Variants in SHISA9 observed in about 807,000 individuals in gnomAD.
SHISA9 encodes shisa family member 9.
In SHISA9, 13 loss-of-function variants were observed where a neutral mutation model predicts 38.0. The observed-to-expected ratio is 0.34, with a 90% CI of 0.22 to 0.54. SHISA9 has a LOEUF of 0.54. Among genes scored for constraint, SHISA9 ranks in the 20% least tolerant of loss-of-function variants. The pLI, the probability that SHISA9 is intolerant of heterozygous loss-of-function variation, is 0.91. For missense variants in SHISA9, 538 were observed against 575.8 expected (o/e 0.93, Z 0.67); for synonymous variants, 275 against 242.0 (o/e 1.14, Z -1.27).
intron 2 of SHISA9, among the ~76,000 whole-genome samples, chr16:13,048,488 C>G (rs1479406089): frequency 6.6e-6 from 1 of 152,142 alleles, no homozygotes; most frequent in Non-Finnish European, 1.5e-5. Flanking sequence ...ATGGCATGAT[C>G]TCTGTTCACT....
At chr16:12,916,908 T>A in intron 2 of SHISA9, 93 bp downstream of exon 2, 1 of 1,390,790 alleles carries the variant, frequency 7.2e-7, no homozygotes, top group Non-Finnish European at 9.5e-7. Context: ...TTGGGTTAGT[T>A]AAGAGCTCTT....
At chr16:13,316,704 T>A in the SHISA9 span, among the ~76,000 whole-genome samples, 1 of 152,312 alleles carries the variant, frequency 6.6e-6, no homozygotes, top group East Asian at 1.9e-4. Flanking sequence ...CCAGAGATGA[T>A]AAAATGTGGT....
chr16:13,389,451 G>A, the SHISA9 span, among the ~76,000 whole-genome samples: 2 of 152,154 alleles, frequency 1.3e-5, no homozygotes, highest in Non-Finnish European at 2.9e-5. Flanking sequence ...AAAGTGGAAA[G>A]CAGTTCACTA....
intron 2 of SHISA9, among the ~76,000 whole-genome samples, chr16:13,114,465 C>CAAAA (rs58742818): frequency 2.6e-4 from 13 of 50,942 alleles, no homozygotes; most frequent in Admixed American, 5.6e-4. Context: ...GATTCCATCT[C>CAAAA]AAAAAAAAAA....
intron 2 of SHISA9, among the ~76,000 whole-genome samples, chr16:13,027,378 C>G (rs1362374121): frequency 6.6e-6 from 1 of 152,124 alleles, no homozygotes. Context: ...CTTTTTGTTT[C>G]TTATAAACTG....
chr16:13,062,892 C>T (rs1247213368), intron 2 of SHISA9, among the ~76,000 whole-genome samples: 1 of 152,212 alleles, frequency 6.6e-6, no homozygotes, highest in Non-Finnish European at 1.5e-5. Context: ...CACCCTGGTA[C>T]CCTGATCCTG....
At chr16:13,356,770 G>A in the SHISA9 span, among the ~76,000 whole-genome samples, 2 of 152,038 alleles carry the variant, frequency 1.3e-5, no homozygotes, top group Non-Finnish European at 2.9e-5. Flanking sequence ...GACTAGGAAG[G>A]GACTGATGTG....
In SHISA9 at chr16:12,916,011, G is replaced by GGTT. The variant is rs774277866; in HGVS notation, c.564-677_564-676insGTT. Among the ~76,000 whole-genome samples the GGTT allele has an allele frequency of 1.4e-3, 125 of 90,406 alleles. 1 individual carries two copies. The Middle Eastern group carries it at 0.023, about 17-fold the overall frequency. The allele number at this position is 90,406 out of a possible 152,430, so 59.3% of individuals were successfully genotyped here. ...GTTTTTTTTTTGTGTGTGTGTGTGT[G>GGTT]TTTTTTTTTTTTTTTTTTTGCTAAG... On this transcript the variant is annotated intron_variant, in intron 1 of 4. Transcript: ENST00000558583.
chr16:12,905,486 T>C (rs1276032808), intron 1 of SHISA9, among the ~76,000 whole-genome samples: 1 of 152,110 alleles, frequency 6.6e-6, no homozygotes, highest in Non-Finnish European at 1.5e-5. Context: ...TGGTCCACAC[T>C]TGGGGAAACA....
At chr16:13,389,151 A>G in the SHISA9 span, among the ~76,000 whole-genome samples, 8 of 152,126 alleles carry the variant, frequency 5.3e-5, no homozygotes, top group Non-Finnish European at 7.4e-5. Context: ...ATGTATAATG[A>G]TGTGTATTTA....
At chr16:13,142,111 A>G (rs2050407029) in intron 2 of SHISA9, among the ~76,000 whole-genome samples, 2 of 152,222 alleles carry the variant, frequency 1.3e-5, no homozygotes, top group South Asian at 4.1e-4. Context: ...TCTGAGGCTC[A>G]GCATTGAATC....
intron 2 of SHISA9, among the ~76,000 whole-genome samples, chr16:12,962,151 G>A (rs2141794517): frequency 6.6e-6 from 1 of 152,338 alleles, no homozygotes; most frequent in Non-Finnish European, 1.5e-5. Context: ...TGGCCATCAT[G>A]TGCTGGTGCT....
intron 2 of SHISA9, among the ~76,000 whole-genome samples, chr16:12,969,347 A>AT (rs112758862): frequency 0.058 from 7,915 of 137,096 alleles, 212 homozygotes; most frequent in Middle Eastern, 0.071. Context: ...TTGGGAGATG[A>AT]TTTTTTTTTT....
At chr16:13,326,712 C>T in the SHISA9 span, among the ~76,000 whole-genome samples, 12 of 151,798 alleles carry the variant, frequency 7.9e-5, no homozygotes, top group South Asian at 4.2e-4. Context: ...TGAAGCAAGG[C>T]GCCTTCTCAG....
At position 12,901,788 on chromosome 16, in the gene SHISA9, C is replaced by A. The variant is rs1012588758; in HGVS notation, c.-277C>A. The A allele has an allele frequency of 2.2e-3, 328 of 147,296 alleles. No homozygotes were observed. The highest frequency in any genetic ancestry group is 3.9e-3 in the Non-Finnish European group (259 of 66,248). The allele number at this position is 147,296 out of a possible 1,614,324, so 9.1% of individuals were successfully genotyped here. Reference sequence around the variant, plus strand: ...GGCCGGACCTGCACCCCGCGCTTGACCCCGCTCATCCTCCCCCCGCCCGGC... The same window carrying A: ...GGCCGGACCTGCACCCCGCGCTTGAACCCGCTCATCCTCCCCCCGCCCGGC... On this transcript the variant is annotated 5_prime_UTR_variant, in exon 1 of 5. Coordinates refer to ENST00000558583, the MANE Select transcript of SHISA9 (RefSeq NM_001145204.3).
chr16:13,144,247 G>T (rs928918918), intron 2 of SHISA9, among the ~76,000 whole-genome samples: 16 of 151,762 alleles, frequency 1.1e-4, no homozygotes, highest in African/African-American at 3.1e-4. Context: ...CTGTCTCCTG[G>T]GTTCAAGAGA....
chr16:13,324,180 T>G, the SHISA9 span, among the ~76,000 whole-genome samples: 1 of 152,208 alleles, frequency 6.6e-6, no homozygotes, highest in East Asian at 1.9e-4. Flanking sequence ...TCTGCAGAAC[T>G]GTAAGGCAAA....
chr16:13,314,614 A>G, the SHISA9 span, among the ~76,000 whole-genome samples: 1 of 152,106 alleles, frequency 6.6e-6, no homozygotes, highest in Non-Finnish European at 1.5e-5. Flanking sequence ...ACATTTAATG[A>G]ATACAGTTTG....
At chr16:12,921,536 A>G (rs1331356342) in intron 2 of SHISA9, among the ~76,000 whole-genome samples, 4 of 152,144 alleles carry the variant, frequency 2.6e-5, no homozygotes. Flanking sequence ...CAAAGGCGGG[A>G]GGATCGTTTG....
Sources: allele counts gnomAD v4.1 joint callset (sites outside exome capture counted in the v4.1 genomes callset), GRCh38; gene constraint gnomAD v4.1.1; transcripts MANE v1.5; gene names NCBI Gene and HGNC (gene_info 2026-07-23, HGNC 2026-07-21).